PAFAH1B1: variants seen among roughly 807,000 people sequenced by gnomAD.
PAFAH1B1 encodes the protein platelet activating factor acetylhydrolase 1b regulatory subunit 1.
In PAFAH1B1, 2 loss-of-function variants were observed where a neutral mutation model predicts 57.5. The ratio of observed to expected loss-of-function variants is 0.03; its 90% CI spans 0.01 to 0.11. The LOEUF is 0.11. Among genes scored for constraint, PAFAH1B1 ranks in the 10% least tolerant of loss-of-function variants. PAFAH1B1 has a pLI of 1.00. For missense variants in PAFAH1B1, 257 were observed against 512.0 expected (o/e 0.50, Z 4.81); for synonymous variants, 152 against 169.6 (o/e 0.90, Z 0.81).
chr17:2,593,795 G>C lies in PAFAH1B1; in HGVS notation c.-402G>C, dbSNP rs2068050258. The C allele has an allele frequency of 2.5e-6, 1 of 394,048 alleles. No individual in the cohort carries two copies. Among genetic ancestry groups the C allele is most frequent in the Non-Finnish European group, 4.5e-6 (1 of 223,558 alleles). The allele number at this position is 394,048 out of a possible 1,614,324, so 24.4% of individuals were successfully genotyped here. A position where few individuals can be genotyped will look rare whatever the true frequency, so the allele number is the denominator to read the frequency against. ...CTCGGGCGCGAGCGAGAGAAACCGC[G>C]AGCGCCGAGCTTGGACTCGAGCCCC... On this transcript the variant is annotated 5_prime_UTR_variant, in exon 1 of 11. Coordinates refer to ENST00000397195, the MANE Select transcript of PAFAH1B1 (RefSeq NM_000430.4).
intron 2 of PAFAH1B1, among the ~76,000 whole-genome samples, chr17:2,655,568 C>G (rs879329858): frequency 6.6e-6 from 1 of 152,018 alleles, no homozygotes; most frequent in Non-Finnish European, 1.5e-5. Context: ...CCAGCTACTC[C>G]GGAGGCAGAG....
chr17:2,647,233 C>T (rs1436241652), intron 2 of PAFAH1B1, among the ~76,000 whole-genome samples: 3 of 152,008 alleles, frequency 2.0e-5, no homozygotes, highest in African/African-American at 4.8e-5. Context: ...ACCTGTAGTC[C>T]CAGCTACTTG....
intron 1 of PAFAH1B1, among the ~76,000 whole-genome samples, chr17:2,598,352 A>G (rs760049790): frequency 3.3e-5 from 5 of 152,166 alleles, no homozygotes; most frequent in African/African-American, 4.8e-5. Context: ...ATTGAGTTCT[A>G]AAGCAGTGAG....
intron 2 of PAFAH1B1, 46 bp downstream of exon 2, chr17:2,638,366 A>G: frequency 6.7e-7 from 1 of 1,485,760 alleles, no homozygotes; most frequent in Non-Finnish European, 9.4e-7. Context: ...CCCTCATGAG[A>G]GAGAAAGTAG....
intron 1 of PAFAH1B1, among the ~76,000 whole-genome samples, chr17:2,604,569 G>A (rs983580792): frequency 3.3e-5 from 5 of 152,146 alleles, no homozygotes. Context: ...CCAGCACTTC[G>A]AGAGGCTGAG....
At chr17:2,612,691 C>T (rs910526131) in intron 1 of PAFAH1B1, among the ~76,000 whole-genome samples, 1 of 152,010 alleles carries the variant, frequency 6.6e-6, no homozygotes, top group Non-Finnish European at 1.5e-5. Flanking sequence ...TTCTCTGTAG[C>T]CTTGACTTCC....
intron 2 of PAFAH1B1, among the ~76,000 whole-genome samples, chr17:2,663,350 G>A (rs530818456): frequency 2.0e-5 from 3 of 152,216 alleles, no homozygotes; most frequent in Admixed American, 6.5e-5. Flanking sequence ...CACCCTTTAG[G>A]CTGTTAGAAC....
chr17:2,615,077 C>CAAA (rs2068321117), intron 1 of PAFAH1B1, among the ~76,000 whole-genome samples: 1 of 152,182 alleles, frequency 6.6e-6, no homozygotes, highest in Admixed American at 6.5e-5. Flanking sequence ...ATAGTTGTGT[C>CAAA]AGTACTGAAC....
intron 1 of PAFAH1B1, among the ~76,000 whole-genome samples, chr17:2,615,730 C>T (rs560910144): frequency 4.6e-5 from 7 of 152,332 alleles, no homozygotes; most frequent in South Asian, 4.1e-4. Flanking sequence ...TGAGCCACCG[C>T]GCCCAGCCTG....
rs566630646 is a variant in PAFAH1B1, at chr17:2,645,920, C to T, written c.32+7600C>T. 6.6e-5 allele frequency among the ~76,000 whole-genome samples: 10 copies of T among 151,876 alleles called. No individual in the cohort carries two copies. The East Asian group carries it at 1.6e-3, about 24-fold the overall frequency. ...CGCCTGGCCAAATATATATATATTT[C>T]TAAATAGCTAAGGAGTTGAGATTAA... On this transcript the variant is annotated intron_variant, in intron 2 of 10. Transcript: ENST00000397195.
chr17:2,664,665 G>GCGCGCT, intron 2 of PAFAH1B1, among the ~76,000 whole-genome samples: 126 of 86,008 alleles, frequency 1.5e-3, no homozygotes, highest in Non-Finnish European at 2.3e-3. Context: ...TCTATCTATC[G>GCGCGCT]CTCTCTCTCT....
rs2069268296 is a variant in PAFAH1B1 at position 2,676,370 on chromosome 17, TC to T, written c.901-133del. On this transcript the variant is annotated intron_variant, in intron 8 of 10. Transcript: ENST00000397195. ...TCCAGCCTGGGTGACAGAGCCAGACTCCGTCTGAAAACAAACAAAAAACCAA... is the reference window on the plus strand; with the variant it reads ...TCCAGCCTGGGTGACAGAGCCAGACTCGTCTGAAAACAAACAAAAAACCAA... 4 of 661,164 alleles carry T rather than the reference TC, an allele frequency of 6.0e-6. No homozygotes were observed. In the East Asian group the frequency reaches 8.5e-5, roughly 14 times the overall value. The allele number at this position is 661,164 out of a possible 1,614,324, so 41.0% of individuals were successfully genotyped here. A position where few individuals can be genotyped will look rare whatever the true frequency, so the allele number is the denominator to read the frequency against.
chr17:2,652,181 C>T (rs538751600), intron 2 of PAFAH1B1, among the ~76,000 whole-genome samples: 31 of 152,074 alleles, frequency 2.0e-4, no homozygotes, highest in African/African-American at 3.6e-4. Flanking sequence ...GAGGCCAAGG[C>T]GGGCAAATCA....
At chr17:2,662,378 TTGTGTGTGTGTGTGTGTGTG>T (rs57918293) in intron 2 of PAFAH1B1, among the ~76,000 whole-genome samples, 48 of 123,780 alleles carry the variant, frequency 3.9e-4, no homozygotes, top group Admixed American at 3.1e-3. Flanking sequence ...TTTAACCTCT[TTGTGTGTGTGTGTGTGTGTG>T]TGTGTGTGTG....
chr17:2,607,158 T>C (rs1439739210), intron 1 of PAFAH1B1, among the ~76,000 whole-genome samples: 3 of 150,714 alleles, frequency 2.0e-5, no homozygotes, highest in African/African-American at 7.3e-5. Flanking sequence ...ATTACAGTTA[T>C]AGTTGATATC....
intron 7 of PAFAH1B1, 28 bp from the exon 8 acceptor site, chr17:2,674,032 C>T: frequency 1.4e-6 from 2 of 1,472,578 alleles, no homozygotes; most frequent in Non-Finnish European, 1.9e-6. Context: ...TTGTCATTCA[C>T]AGTGTAAGTT....
rs2068050130 is a variant in PAFAH1B1 at position 2,593,784 on chromosome 17, A to C, written c.-413A>C. 2.6e-6 allele frequency: 1 copy of C among 384,044 alleles called. No individual in the cohort carries two copies. Among genetic ancestry groups the C allele is most frequent in the Non-Finnish European group, 4.6e-6 (1 of 216,978 alleles). 23.8% of individuals were successfully genotyped at this position (384,044 alleles called of 1,614,324 possible). ...GGAGGGGAGCGCTCGGGCGCGAGCGAGAGAAACCGCGAGCGCCGAGCTTGG... is the reference window on the plus strand; with the variant it reads ...GGAGGGGAGCGCTCGGGCGCGAGCGCGAGAAACCGCGAGCGCCGAGCTTGG... On this transcript the variant is annotated 5_prime_UTR_variant, in exon 1 of 11. Coordinates refer to ENST00000397195, the MANE Select transcript of PAFAH1B1 (RefSeq NM_000430.4).
chr17:2,665,510 A>ATT, intron 3 of PAFAH1B1, 54 bp downstream of exon 3: 7 of 1,021,014 alleles, frequency 6.9e-6, no homozygotes, highest in Non-Finnish European at 1.1e-5. Context: ...ATTTTCACTC[A>ATT]AGTATCTGTA....
intron 9 of PAFAH1B1, among the ~76,000 whole-genome samples, chr17:2,677,908 T>G (rs907006785): frequency 2.6e-5 from 4 of 152,066 alleles, no homozygotes; most frequent in East Asian, 1.9e-4. Context: ...TCTAGTAGTA[T>G]TCTGAGCGGA....
Sources: gnomAD v4.1 joint callset for allele counts (sites outside exome capture counted in the v4.1 genomes callset) on GRCh38, gnomAD v4.1.1 for gene constraint, MANE v1.5 for transcripts, NCBI Gene and HGNC (gene_info 2026-07-23, HGNC 2026-07-21) for gene names.